Variants in AKAP6 observed in about 807,000 individuals in gnomAD.
The protein encoded by AKAP6 is A-kinase anchor protein 6.
In AKAP6, 58 loss-of-function variants were observed where a neutral mutation model predicts 188.5. The ratio of observed to expected loss-of-function variants is 0.31; its 90% CI spans 0.25 to 0.38. The LOEUF (loss-of-function observed/expected upper bound fraction) is 0.38. Among genes scored for constraint, AKAP6 ranks in the 10% least tolerant of loss-of-function variants. The pLI, the probability that AKAP6 is intolerant of heterozygous loss-of-function variation, is 1.00. For missense variants in AKAP6, 2,710 were observed against 2,740.0 expected (o/e 0.99, Z 0.24); for synonymous variants, 989 against 998.6 (o/e 0.99, Z 0.18).
At chr14:32,437,825 C>G (rs1890437969) in intron 2 of AKAP6, among the ~76,000 whole-genome samples, 1 of 152,154 alleles carries the variant, frequency 6.6e-6, no homozygotes, top group African/African-American at 2.4e-5. Flanking sequence ...GTCTTGAACT[C>G]TTGGGCTCAA....
chr14:32,823,920 T>C lies in AKAP6; in HGVS notation c.6107T>C (p.Ile2036Thr). The change falls in exon 13 of 14, where the codon ATT becomes ACT. Residue 2036 changes from isoleucine to threonine, a missense_variant. Physicochemically the swap from Ile to Thr is moderately conservative, Grantham distance 89. Around this residue, in one of 2 missense-constraint regions of AKAP6, gnomAD observed 2,473 missense variants for 2,426.1 expected, o/e 1.02. Transcript: ENST00000280979. ...GAGGAAAATGCTTCTATCAGCAACA[T>C]TTCCTGTTGCAACTGTGAGCCAGAT... ...GTEENASISN[I>T]SCCNCEPDVF... The C allele has an allele frequency of 8.1e-6, 13 of 1,613,970 alleles. No individual in the cohort carries two copies. Among genetic ancestry groups the C allele is most frequent in the Non-Finnish European group, 1.1e-5 (13 of 1,179,944 alleles).
At chr14:32,503,502 G>T (rs1487146153) in intron 2 of AKAP6, among the ~76,000 whole-genome samples, 3 of 151,600 alleles carry the variant, frequency 2.0e-5, no homozygotes, top group Admixed American at 1.3e-4. Context: ...TCACTACAGG[G>T]TTATATGTAA....
intron 1 of AKAP6, among the ~76,000 whole-genome samples, chr14:32,352,352 C>T (rs1371867163): frequency 1.3e-5 from 2 of 151,372 alleles, no homozygotes; most frequent in African/African-American, 4.9e-5. Flanking sequence ...GTATTTTGTA[C>T]TGTTTAAATC....
chr14:32,702,330 C>T (rs1452850347), intron 9 of AKAP6, among the ~76,000 whole-genome samples: 4 of 151,852 alleles, frequency 2.6e-5, no homozygotes, highest in Non-Finnish European at 5.9e-5. Flanking sequence ...TTTGAAAAGT[C>T]CTTAGATTAA....
intron 5 of AKAP6, among the ~76,000 whole-genome samples, chr14:32,582,721 C>G (rs968953295): frequency 5.9e-5 from 9 of 151,850 alleles, no homozygotes; most frequent in Admixed American, 2.0e-4. Flanking sequence ...CTTCCCTTCT[C>G]GCTTCATTTC....
intron 13 of AKAP6, among the ~76,000 whole-genome samples, chr14:32,826,825 G>A (rs772581901): frequency 7.9e-5 from 12 of 152,272 alleles, no homozygotes; most frequent in Middle Eastern, 3.4e-3. Context: ...CAGCCAGCCC[G>A]TCTGCCAGTC....
At position 32,369,847 on chromosome 14, in the gene AKAP6, A is replaced by G. The variant is rs138932799; in HGVS notation, c.-35+40439A>G. On this transcript the variant is annotated intron_variant, in intron 1 of 13. Coordinates refer to ENST00000280979, the MANE Select transcript of AKAP6 (RefSeq NM_004274.5). ...GGAGTTTGAGACCAGCCTGGCCAGC[A>G]TGGTGAAACCACATCTCTACTAAAA... is the stretch of plus-strand genomic sequence containing the variant. Among the ~76,000 whole-genome samples the G allele has an allele frequency of 9.5e-4, 145 of 152,328 alleles. 4 individuals carry two copies. In the East Asian group the frequency reaches 0.023, roughly 24 times the overall value.
rs148693330 is a variant in AKAP6 at position 32,715,164 on chromosome 14, A to T, written c.3001-17290A>T. On this transcript the variant is annotated intron_variant, in intron 9 of 13. Coordinates refer to ENST00000280979, the MANE Select transcript of AKAP6 (RefSeq NM_004274.5). ...ACTAACAATTTATGAAGTTTGCATC[A>T]CTTTCTGTGTGTTTAAGCACAAAGA... Among the ~76,000 whole-genome samples the T allele has an allele frequency of 6.2e-3, 938 of 152,146 alleles. 13 individuals are homozygous for T. Among genetic ancestry groups the T allele is most frequent in the African/African-American group, 0.021 (871 of 41,542 alleles).
intron 4 of AKAP6, among the ~76,000 whole-genome samples, chr14:32,557,695 C>A (rs1883752594): frequency 1.3e-5 from 2 of 152,190 alleles, no homozygotes; most frequent in Non-Finnish European, 2.9e-5. Flanking sequence ...TGGAATTCCA[C>A]TTTTCTTCAC....
intron 11 of AKAP6, among the ~76,000 whole-genome samples, chr14:32,761,180 T>TAAAC (rs1327629487): frequency 6.6e-6 from 1 of 152,218 alleles, no homozygotes; most frequent in Non-Finnish European, 1.5e-5. Flanking sequence ...AGTAAATGAA[T>TAAAC]AAACAGTATG....
chr14:32,602,767 A>G (rs903424252), intron 7 of AKAP6, among the ~76,000 whole-genome samples: 2 of 152,148 alleles, frequency 1.3e-5, no homozygotes, highest in Non-Finnish European at 2.9e-5. Flanking sequence ...TCCCCGATGG[A>G]GAAAAGGAGG....
chr14:32,760,055 T>C (rs1186537232), intron 11 of AKAP6, among the ~76,000 whole-genome samples: 1 of 152,362 alleles, frequency 6.6e-6, no homozygotes, highest in East Asian at 1.9e-4. Context: ...ATAATGTTAT[T>C]TGGAGTTAGA....
At position 32,641,846 on chromosome 14, in the gene AKAP6, G is replaced by A. The variant is rs376388285; in HGVS notation, c.2731-36465G>A. Among the ~76,000 whole-genome samples the A allele has an allele frequency of 9.4e-4, 143 of 152,238 alleles. 2 individuals carry two copies. The highest frequency in any genetic ancestry group is 6.4e-3 in the South Asian group (31 of 4,822). On this transcript the variant is annotated intron_variant, in intron 7 of 13. Transcript: ENST00000280979. ...GGGGGAGGGGAACACGTTTTTAGGG[G>A]ATTGCATTTTAATGTGGAAAGAGAA...
intron 11 of AKAP6, among the ~76,000 whole-genome samples, chr14:32,759,602 C>T (rs1398428884): frequency 6.6e-6 from 1 of 152,096 alleles, no homozygotes; most frequent in Non-Finnish European, 1.5e-5. Context: ...TTAATTGGCT[C>T]ACAGTTCTGC....
chr14:32,446,603 T>C (rs943534036), intron 2 of AKAP6, among the ~76,000 whole-genome samples: 7 of 96,628 alleles, frequency 7.2e-5, no homozygotes, highest in Non-Finnish European at 1.2e-4. Context: ...AGTAGACATC[T>C]GTTTTTTTTT....
chr14:32,527,923 CT>C (rs1380309408), intron 2 of AKAP6, among the ~76,000 whole-genome samples: 1 of 152,056 alleles, frequency 6.6e-6, no homozygotes, highest in Non-Finnish European at 1.5e-5. Context: ...TTAATGATGT[CT>C]TTCACAGAAC....
At chr14:32,684,313 T>C (rs545888887) in intron 8 of AKAP6, among the ~76,000 whole-genome samples, 9 of 152,314 alleles carry the variant, frequency 5.9e-5, no homozygotes, top group South Asian at 4.1e-4. Context: ...AAACTATAGG[T>C]AAGCAGAACA....
At chr14:32,543,919 T>C (rs1298338449) in intron 3 of AKAP6, among the ~76,000 whole-genome samples, 1 of 152,204 alleles carries the variant, frequency 6.6e-6, no homozygotes. Flanking sequence ...CATTTATAGA[T>C]GAGGACTCTG....
chr14:32,603,394 C>T (rs1886012266), intron 7 of AKAP6, among the ~76,000 whole-genome samples: 1 of 152,080 alleles, frequency 6.6e-6, no homozygotes, highest in South Asian at 2.1e-4. Context: ...TTGAAGTGGA[C>T]ACTTTGAAAT....
Sources: allele counts gnomAD v4.1 joint callset (sites outside exome capture counted in the v4.1 genomes callset), GRCh38; gene constraint gnomAD v4.1.1; regional missense constraint gnomAD v4.1.1; transcripts MANE v1.5; gene names NCBI Gene and HGNC (gene_info 2026-07-23, HGNC 2026-07-21).